SPON1: variants seen among roughly 807,000 people sequenced by gnomAD.
The protein encoded by SPON1 is spondin-1.
In SPON1, 52 loss-of-function variants were observed where a neutral mutation model predicts 111.7. The observed-to-expected ratio is 0.47, with a 90% CI of 0.37 to 0.59. The LOEUF is 0.59. SPON1 is among the 20% of genes least tolerant of loss of function. The pLI, the probability that SPON1 is intolerant of heterozygous loss-of-function variation, is 0.00. For missense variants in SPON1, 957 were observed against 1,068.5 expected, an observed-to-expected ratio of 0.90 and a Z score of 1.46; for synonymous variants, 410 against 395.8, an observed-to-expected ratio of 1.04 and a Z score of -0.43.
chr11:14,019,785 T>C (rs1848467802), intron 2 of SPON1, among the ~76,000 whole-genome samples: 1 of 152,168 alleles, frequency 6.6e-6, no homozygotes, highest in Admixed American at 6.5e-5. Flanking sequence ...TGCTAGCTCC[T>C]CCGGTTCATA....
rs1391514044 is a variant in SPON1 at position 14,116,067 on chromosome 11, G to GT, written c.677-19348dup. On this transcript the variant is annotated intron_variant, in intron 5 of 15. Transcript: ENST00000576479. ...AAGTATTTGTTCAGATGTTTTGATC[G>GT]TTTTTCTTTTTCTATTATATTCTCT... 6.6e-5 allele frequency among the ~76,000 whole-genome samples: 10 copies of GT among 152,118 alleles called. No homozygotes were observed. In the East Asian group the frequency reaches 1.9e-3, roughly 29 times the overall value.
chr11:14,138,341 A>C (rs1847616408), intron 6 of SPON1, among the ~76,000 whole-genome samples: 1 of 132,036 alleles, frequency 7.6e-6, no homozygotes, highest in Admixed American at 7.7e-5. Flanking sequence ...TCCTATTAAT[A>C]GTGGAAGTAT....
At chr11:14,197,488 AAAATAAAT>A (rs10642040) in intron 6 of SPON1, among the ~76,000 whole-genome samples, 238 of 145,046 alleles carry the variant, frequency 1.6e-3, no homozygotes, top group African/African-American at 3.4e-3. Flanking sequence ...GTCCTCTTTA[AAAATAAAT>A]AAATAAATAA....
chr11:14,098,270 A>G (rs1849117540), intron 5 of SPON1, among the ~76,000 whole-genome samples: 1 of 152,238 alleles, frequency 6.6e-6, no homozygotes, highest in Non-Finnish European at 1.5e-5. Context: ...TGCTGGGATT[A>G]CAGGCGTGAG....
chr11:14,237,505 G>A (rs1848881415), intron 6 of SPON1, among the ~76,000 whole-genome samples: 1 of 152,218 alleles, frequency 6.6e-6, no homozygotes, highest in African/African-American at 2.4e-5. Flanking sequence ...CGTTGGAATC[G>A]TGGTTCCTGT....
chr11:14,193,356 C>G (rs1200152828), intron 6 of SPON1, among the ~76,000 whole-genome samples: 49 of 152,158 alleles, frequency 3.2e-4, no homozygotes, highest in Admixed American at 3.1e-3. Flanking sequence ...CACGCCACCC[C>G]AATCTTGAAG....
intron 3 of SPON1, among the ~76,000 whole-genome samples, chr11:14,070,701 C>T (rs1179688248): frequency 6.6e-6 from 1 of 152,124 alleles, no homozygotes; most frequent in Non-Finnish European, 1.5e-5. Context: ...ATCTCTCTCT[C>T]CCGGGAGCAG....
chr11:14,247,036 C>T (rs1848999244), intron 7 of SPON1, among the ~76,000 whole-genome samples: 1 of 152,144 alleles, frequency 6.6e-6, no homozygotes, highest in Non-Finnish European at 1.5e-5. Context: ...CTAACTAGAT[C>T]CAGAAATCAA....
chr11:13,963,054 C>T lies in SPON1; in HGVS notation c.150C>T (p.Ala50=). ...SEGYCSRILR[A]QGTRREGYTE... ...GCTACTGCAGCCGTATCCTGCGCGC[C>T]CAGGGCACGCGGCGCGAGGGCTACA... The change falls in exon 1 of 16, where the codon GCC becomes GCT. Residue 50 remains alanine (A), a synonymous_variant. Transcript: ENST00000576479. 1 of 1,579,340 alleles carries T rather than the reference C, an allele frequency of 6.3e-7. No individual in the cohort carries two copies. The highest frequency in any genetic ancestry group is 2.4e-5 in the East Asian group (1 of 42,090).
chr11:14,000,903 G>A (rs1848312403), intron 2 of SPON1, among the ~76,000 whole-genome samples: 1 of 152,128 alleles, frequency 6.6e-6, no homozygotes, highest in Non-Finnish European at 1.5e-5. Flanking sequence ...AACTTGCTGA[G>A]TTTGTTTCCT....
At chr11:14,144,633 C>CTAATAATAATAATAATAATAATAA (rs782316295) in intron 6 of SPON1, among the ~76,000 whole-genome samples, 5 of 123,970 alleles carry the variant, frequency 4.0e-5, no homozygotes, top group African/African-American at 1.3e-4. Flanking sequence ...GACTCCATCT[C>CTAATAATAATAATAATAATAATAA]CAATAATAAT....
chr11:14,151,903 CT>C (rs1847792653), intron 6 of SPON1, among the ~76,000 whole-genome samples: 1 of 152,142 alleles, frequency 6.6e-6, no homozygotes, highest in South Asian at 2.1e-4. Context: ...CCTAGAAGAC[CT>C]TTCTCTCCCA....
At chr11:14,174,648 G>A (rs1848153389) in intron 6 of SPON1, among the ~76,000 whole-genome samples, 1 of 150,444 alleles carries the variant, frequency 6.6e-6, no homozygotes, top group Admixed American at 6.6e-5. Context: ...TGCATTAAGT[G>A]TGGCAAGACA....
chr11:14,214,583 T>C (rs1296414619), intron 6 of SPON1, among the ~76,000 whole-genome samples: 3 of 152,214 alleles, frequency 2.0e-5, no homozygotes, highest in Non-Finnish European at 2.9e-5. Flanking sequence ...TTGGCCTGTC[T>C]GTTCCACACA....
chr11:14,165,948 GT>G (rs1430563713), intron 6 of SPON1, among the ~76,000 whole-genome samples: 3 of 152,214 alleles, frequency 2.0e-5, no homozygotes, highest in Non-Finnish European at 2.9e-5. Flanking sequence ...CCAGGCATGG[GT>G]TTGTATCCTC....
At chr11:14,029,662 G>C (rs1249182686) in intron 2 of SPON1, among the ~76,000 whole-genome samples, 1 of 152,154 alleles carries the variant, frequency 6.6e-6, no homozygotes, top group African/African-American at 2.4e-5. Flanking sequence ...CATTCTCCCA[G>C]TGCTCAGGTG....
chr11:14,048,240 A>AAAACAAACAAAC (rs34567808), intron 3 of SPON1, among the ~76,000 whole-genome samples: 6 of 151,734 alleles, frequency 4.0e-5, no homozygotes, highest in African/African-American at 1.5e-4. Flanking sequence ...ACCTCATCTC[A>AAAACAAACAAAC]AAACAAACAA....
chr11:14,079,249 T>C (rs565229994), intron 4 of SPON1, among the ~76,000 whole-genome samples: 1 of 152,312 alleles, frequency 6.6e-6, no homozygotes, highest in South Asian at 2.1e-4. Flanking sequence ...TCTTAAGTTT[T>C]TCCTGGCTAC....
intron 6 of SPON1, among the ~76,000 whole-genome samples, chr11:14,222,002 C>T (rs557688784): frequency 6.6e-6 from 1 of 152,332 alleles, no homozygotes; most frequent in Admixed American, 6.5e-5. Flanking sequence ...ACTAGGACCA[C>T]TTTCAGCTGC....
Sources: allele counts gnomAD v4.1 joint callset (sites outside exome capture counted in the v4.1 genomes callset), GRCh38; gene constraint gnomAD v4.1.1; transcripts MANE v1.5; gene names NCBI Gene and HGNC (gene_info 2026-07-23, HGNC 2026-07-21).